The following SIM1 variants were observed in gnomAD, a reference collection of about 807,000 sequenced individuals.
SIM1 encodes the protein SIM bHLH transcription factor 1.
A neutral mutation model predicts 78.2 loss-of-function variants in SIM1; 18 were observed. The observed-to-expected ratio is 0.23, with a 90% CI of 0.16 to 0.34. The LOEUF is 0.34. SIM1 is among the 10% of genes least tolerant of loss of function. The probability of loss-of-function intolerance (pLI) is 1.00; values close to 1 mark genes in which losing one functional copy is unlikely to be tolerated. For missense variants in SIM1, 939 were observed against 975.1 expected, an observed-to-expected ratio of 0.96 and a Z score of 0.49; for synonymous variants, 417 against 385.2, an observed-to-expected ratio of 1.08 and a Z score of -0.97.
At chr6:100,453,871 G>C in intron 2 of SIM1, 27 bp from the exon 3 acceptor site, 2 of 1,578,050 alleles carry the variant, frequency 1.3e-6, no homozygotes, top group South Asian at 1.1e-5. Flanking sequence ...GCATCCTGTA[G>C]CCACTGAACC....
intron 9 of SIM1, among the ~76,000 whole-genome samples, chr6:100,422,870 T>C (rs912443328): frequency 1.3e-5 from 2 of 152,128 alleles, no homozygotes; most frequent in South Asian, 4.1e-4. Flanking sequence ...GTCTCTTAAG[T>C]GAGTAAGAAT....
At chr6:100,406,093 G>A (rs879500312) in intron 10 of SIM1, among the ~76,000 whole-genome samples, 10 of 152,200 alleles carry the variant, frequency 6.6e-5, no homozygotes, top group Non-Finnish European at 1.0e-4. Flanking sequence ...ATCCACGGCT[G>A]TAAATGATTC....
chr6:100,408,357 T>C (rs1185839438), intron 10 of SIM1, among the ~76,000 whole-genome samples: 1 of 152,092 alleles, frequency 6.6e-6, no homozygotes, highest in Non-Finnish European at 1.5e-5. Flanking sequence ...TAGCTTTGTA[T>C]AATAATATTG....
chr6:100,450,696 T>TCTCTCTCTCTCTCTCTCA (rs1421452803), intron 3 of SIM1, among the ~76,000 whole-genome samples: 23 of 91,928 alleles, frequency 2.5e-4, no homozygotes, highest in South Asian at 9.4e-4. Context: ...TCTCTCTCTC[T>TCTCTCTCTCTCTCTCTCA]CACACACACA....
At chr6:100,455,498 C>T (rs1191802165) in intron 2 of SIM1, among the ~76,000 whole-genome samples, 1 of 152,212 alleles carries the variant, frequency 6.6e-6, no homozygotes, top group Non-Finnish European at 1.5e-5. Context: ...GTTTCTGTCA[C>T]GACCTGCTCT....
At chr6:100,455,899 G>C (rs1772639065) in intron 2 of SIM1, among the ~76,000 whole-genome samples, 1 of 152,194 alleles carries the variant, frequency 6.6e-6, no homozygotes, top group South Asian at 2.1e-4. Flanking sequence ...TACTAGTTCT[G>C]AACTCCCGGC....
chr6:100,461,843 T>TTC (rs1491085520), intron 2 of SIM1, among the ~76,000 whole-genome samples: 23 of 5,756 alleles, frequency 4.0e-3, no homozygotes, highest in Admixed American at 0.013. Context: ...CTTTCTTTCT[T>TTC]TTTTTTTTTT....
At chr6:100,418,242 C>T (rs1346933666) in intron 10 of SIM1, among the ~76,000 whole-genome samples, 1 of 151,788 alleles carries the variant, frequency 6.6e-6, no homozygotes, top group Non-Finnish European at 1.5e-5. Context: ...GTGCCAGCTA[C>T]TTAGAAAGCT....
chr6:100,453,843 C>T lies in SIM1; in HGVS notation c.177G>A (p.Gly59=). 6.2e-7 allele frequency: 1 copy of T among 1,609,402 alleles called. No homozygotes were observed. Among genetic ancestry groups the T allele is most frequent in the Non-Finnish European group, 8.5e-7 (1 of 1,178,054 alleles). The change falls in exon 3 of 12, where the codon GGG becomes GGA. Residue 59 remains glycine, a splice_region_variant and synonymous_variant. Transcript: ENST00000369208. ...YLKMRVVFPE[G]LGEAWGHSSR... is the part of the protein sequence containing the mutation. Reference sequence around the variant, plus strand: ...TTGAGTGGCCCCACGCCTCGCCGAGCCCTGTGGAGACACAGAAGCATCCTG... The same window carrying T: ...TTGAGTGGCCCCACGCCTCGCCGAGTCCTGTGGAGACACAGAAGCATCCTG...
intron 10 of SIM1, among the ~76,000 whole-genome samples, chr6:100,411,509 C>T (rs536604173): frequency 3.9e-5 from 6 of 152,292 alleles, no homozygotes; most frequent in South Asian, 2.1e-4. Flanking sequence ...TCTTTACAGA[C>T]GTTATACATT....
At chr6:100,456,399 TTGTC>T (rs1355824776) in intron 2 of SIM1, among the ~76,000 whole-genome samples, 1 of 152,140 alleles carries the variant, frequency 6.6e-6, no homozygotes, top group Non-Finnish European at 1.5e-5. Flanking sequence ...AATCCTTTGA[TTGTC>T]TGTTTAAAAT....
chr6:100,451,322 G>C (rs1339504455), intron 3 of SIM1, among the ~76,000 whole-genome samples: 1 of 152,190 alleles, frequency 6.6e-6, no homozygotes, highest in Non-Finnish European at 1.5e-5. Flanking sequence ...AAGGAATGAA[G>C]TGGCCAAGTC....
chr6:100,450,645 C>G (rs1772483617), intron 3 of SIM1, among the ~76,000 whole-genome samples: 1 of 146,512 alleles, frequency 6.8e-6, no homozygotes, highest in Non-Finnish European at 1.5e-5. Flanking sequence ...GAAAATACAT[C>G]CATAAAACAC....
chr6:100,459,225 G>T (rs915421108), intron 2 of SIM1, among the ~76,000 whole-genome samples: 2 of 152,148 alleles, frequency 1.3e-5, no homozygotes, highest in African/African-American at 4.8e-5. Flanking sequence ...TTTTGTTGTT[G>T]TTTGTTGTTT....
At position 100,393,603 on chromosome 6, in the gene SIM1, C is replaced by T. The variant is rs1247085478; in HGVS notation, c.1454G>A (p.Gly485Glu). 6.2e-7 allele frequency: 1 copy of T among 1,614,096 alleles called. No homozygotes were observed. Among genetic ancestry groups the T allele is most frequent in the Non-Finnish European group, 8.5e-7 (1 of 1,179,920 alleles). ...GRYFLGTPQAGREPWWGSRAA... is the reference protein window; with the variant it reads ...GRYFLGTPQAEREPWWGSRAA... ...GCGAGAGCCCCACCAGGGCTCCCTC[C>T]CGGCCTGCGGCGTTCCCAGGAAGTA... Residue 485 changes from glycine to glutamate, a missense_variant, in exon 11 of 12, where the codon GGG becomes GAG. Physicochemically the swap from Gly to Glu is moderately conservative, Grantham distance 98 (BLOSUM62 -2). Transcript: ENST00000369208.
chr6:100,457,319 C>T (rs1361666932), intron 2 of SIM1, among the ~76,000 whole-genome samples: 1 of 152,198 alleles, frequency 6.6e-6, no homozygotes, highest in East Asian at 1.9e-4. Flanking sequence ...ATTGAGGTGC[C>T]TTGTAGGCAA....
At chr6:100,404,561 T>G (rs1052380076) in intron 10 of SIM1, among the ~76,000 whole-genome samples, 3 of 152,150 alleles carry the variant, frequency 2.0e-5, no homozygotes, top group Non-Finnish European at 4.4e-5. Context: ...TTTTTACTAA[T>G]GTAACCCTGA....
At chr6:100,412,616 GAAAGAAGGAAAGAAAGAAAGA>G (rs1562239681) in intron 10 of SIM1, among the ~76,000 whole-genome samples, 26 of 91,812 alleles carry the variant, frequency 2.8e-4, no homozygotes, top group Admixed American at 5.1e-4. Context: ...AGAAAGGAAA[GAAAGAAGGAAAGAAAGAAAGA>G]AAAGAAAGAA....
rs201523311 is a variant in SIM1 at position 100,448,194 on chromosome 6, G to T, written c.802C>A (p.His268Asn). Residue 268 changes from histidine (H) to asparagine (N), a missense_variant, in exon 8 of 12, where the codon CAT becomes AAT. Around this residue, in one of 5 missense-constraint regions of SIM1, gnomAD observed 187 missense variants for 191.6 expected, o/e 0.98. Coordinates refer to ENST00000369208, the MANE Select transcript of SIM1 (RefSeq NM_005068.3). ...TGGAAGGTGTCGCAGCCGTGCACAT[G>T]GTGGTACAGAGTCTTCTCAATCAGG... ...QDLIEKTLYH[H>N]VHGCDTFHLR... The T allele has an allele frequency of 3.1e-6, 5 of 1,613,948 alleles. No individual in the cohort carries two copies. Among genetic ancestry groups the T allele is most frequent in the Non-Finnish European group, 4.2e-6 (5 of 1,179,962 alleles).
Sources: allele counts gnomAD v4.1 joint callset (sites outside exome capture counted in the v4.1 genomes callset), GRCh38; gene constraint gnomAD v4.1.1; regional missense constraint gnomAD v4.1.1; transcripts MANE v1.5; gene names NCBI Gene and HGNC (gene_info 2026-07-23, HGNC 2026-07-21).